GRAMD1B: variants seen among roughly 807,000 people sequenced by gnomAD.
The protein encoded by GRAMD1B is protein Aster-B.
In GRAMD1B, 37 loss-of-function variants were observed where a neutral mutation model predicts 99.7. The ratio of observed to expected loss-of-function variants is 0.37; its 90% CI spans 0.29 to 0.49. The LOEUF is 0.49. Ranked by LOEUF, GRAMD1B falls within the 20% of genes least tolerant of loss-of-function variation. The pLI is 0.98. For synonymous variants in GRAMD1B, 427 were observed against 387.6 expected (o/e 1.10, Z -1.19); for missense variants, 888 against 1,009.2 (o/e 0.88, Z 1.63).
At position 123,569,061 on chromosome 11, in the gene GRAMD1B, G is replaced by A. The variant is rs181516236; in HGVS notation, c.453-8306G>A. ...ACTGTTGGGCATCTGAGTCTGAGCT[G>A]TGAAGGGGAAGAACCATCCTGCTGT... is the stretch of plus-strand genomic sequence containing the variant. On this transcript the variant is annotated intron_variant, in intron 2 of 19. Transcript: ENST00000635736. 3.9e-5 allele frequency among the ~76,000 whole-genome samples: 6 copies of A among 152,314 alleles called. No homozygotes were observed. The East Asian group carries it at 1.2e-3, about 29-fold the overall frequency.
chr11:123,595,546 C>T (rs1483288682), intron 6 of GRAMD1B, among the ~76,000 whole-genome samples: 2 of 152,162 alleles, frequency 1.3e-5, no homozygotes, highest in African/African-American at 2.4e-5. Flanking sequence ...CGCCCGCCTC[C>T]GCCTCCCAAA....
chr11:123,514,214 A>G (rs1024539684), intron 2 of GRAMD1B, among the ~76,000 whole-genome samples: 2 of 152,234 alleles, frequency 1.3e-5, no homozygotes, highest in African/African-American at 4.8e-5. Context: ...TGGGCAGTTC[A>G]TAAAGGGCTT....
intron 9 of GRAMD1B, among the ~76,000 whole-genome samples, chr11:123,604,718 A>C (rs1952463855): frequency 6.6e-6 from 1 of 152,226 alleles, no homozygotes; most frequent in Admixed American, 6.5e-5. Context: ...GGATTTGTTA[A>C]GTACAGGTCA....
intron 2 of GRAMD1B, among the ~76,000 whole-genome samples, chr11:123,486,535 G>A (rs1937793564): frequency 7.1e-6 from 1 of 141,336 alleles, no homozygotes; most frequent in Non-Finnish European, 1.5e-5. Flanking sequence ...GTGACAGAGT[G>A]AGACCCTGTC....
At chr11:123,476,352 C>G (rs1185418466) in intron 1 of GRAMD1B, among the ~76,000 whole-genome samples, 1 of 152,322 alleles carries the variant, frequency 6.6e-6, no homozygotes, top group Non-Finnish European at 1.5e-5. Flanking sequence ...CTACCCGCCT[C>G]GGCTTCCTAA....
rs567268250 is a variant in GRAMD1B, at chr11:123,510,306, G to A, written c.452+29413G>A. Among the ~76,000 whole-genome samples, 50 of 152,234 alleles carry A rather than the reference G, an allele frequency of 3.3e-4. No homozygotes were observed. The highest frequency in any genetic ancestry group is 1.1e-3 in the African/African-American group (47 of 41,542). On this transcript the variant is annotated intron_variant, in intron 2 of 19. Transcript: ENST00000635736. The surrounding 1 kb of genome is among the most constrained non-coding windows in gnomAD (Gnocchi z 4.3). ...TCCTGACCTGTGGGTACCAGTTGGC[G>A]GGGTGATGGGAGGGCAGGCCTCCGT...
At chr11:123,585,390 C>T (rs1386603712) in intron 4 of GRAMD1B, among the ~76,000 whole-genome samples, 1 of 152,224 alleles carries the variant, frequency 6.6e-6, no homozygotes, top group Non-Finnish European at 1.5e-5. Flanking sequence ...TGCTCACGAG[C>T]CCTGTGGCTG....
intron 1 of GRAMD1B, among the ~76,000 whole-genome samples, chr11:123,373,749 C>T (rs899116400): frequency 2.0e-5 from 3 of 152,188 alleles, no homozygotes; most frequent in African/African-American, 7.2e-5. Context: ...AAGAAAGTGT[C>T]ACCCCTCTGC....
rs562462009 is a variant in GRAMD1B at position 123,576,990 on chromosome 11, C to T, written c.453-377C>T. 3.3e-4 allele frequency among the ~76,000 whole-genome samples: 51 copies of T among 152,360 alleles called. No homozygotes were observed. In the South Asian group the frequency reaches 9.7e-3, roughly 29 times the overall value. On this transcript the variant is annotated intron_variant, in intron 2 of 19. Transcript: ENST00000635736. ...GCATTTGCAGTATGTATAAAATGAGCTGATTGTATTGGATGGTCTCCAGTG... is the reference window on the plus strand; with the variant it reads ...GCATTTGCAGTATGTATAAAATGAGTTGATTGTATTGGATGGTCTCCAGTG...
intron 1 of GRAMD1B, among the ~76,000 whole-genome samples, chr11:123,469,628 C>G (rs1487532083): frequency 6.6e-6 from 1 of 152,114 alleles, no homozygotes; most frequent in Non-Finnish European, 1.5e-5. Flanking sequence ...TTTAAGAGAG[C>G]TCTGTACCTC....
At chr11:123,449,057 T>C (rs1949764944) in intron 1 of GRAMD1B, among the ~76,000 whole-genome samples, 2 of 152,234 alleles carry the variant, frequency 1.3e-5, no homozygotes, top group Non-Finnish European at 2.9e-5. Flanking sequence ...CGTTGTTCCG[T>C]CAGACAGAAT....
chr11:123,387,918 G>A (rs1379110598), intron 1 of GRAMD1B, among the ~76,000 whole-genome samples: 1 of 152,078 alleles, frequency 6.6e-6, no homozygotes, highest in Non-Finnish European at 1.5e-5. Context: ...GAGGTCAGGA[G>A]TTCAAGACCA....
chr11:123,404,009 T>C (rs1023899879), intron 1 of GRAMD1B, among the ~76,000 whole-genome samples: 1 of 152,196 alleles, frequency 6.6e-6, no homozygotes, highest in Admixed American at 6.5e-5. Context: ...TGAAAGAACC[T>C]AGGACATTTG....
chr11:123,439,780 A>G (rs1949325045), intron 1 of GRAMD1B, among the ~76,000 whole-genome samples: 1 of 152,034 alleles, frequency 6.6e-6, no homozygotes, highest in African/African-American at 2.4e-5. Flanking sequence ...CATTCTTTTT[A>G]AGGTCTCTCC....
intron 1 of GRAMD1B, among the ~76,000 whole-genome samples, chr11:123,463,541 G>A (rs991842226): frequency 3.9e-5 from 6 of 152,226 alleles, no homozygotes; most frequent in African/African-American, 1.4e-4. Context: ...CTCTGATGTA[G>A]CCAACAGGTT....
At chr11:123,401,257 C>G (rs900446345) in intron 1 of GRAMD1B, among the ~76,000 whole-genome samples, 1 of 151,618 alleles carries the variant, frequency 6.6e-6, no homozygotes, top group South Asian at 2.1e-4. Context: ...TTGCCCCTCC[C>G]TCTGTCCCAA....
intron 2 of GRAMD1B, among the ~76,000 whole-genome samples, chr11:123,567,941 A>G (rs1402045531): frequency 6.6e-6 from 1 of 152,226 alleles, no homozygotes; most frequent in East Asian, 1.9e-4. Context: ...TAATAAATTC[A>G]TCAACAACCA....
chr11:123,598,715 G>A (rs966213057), intron 7 of GRAMD1B: 2 of 934,710 alleles, frequency 2.1e-6, no homozygotes, highest in Admixed American at 3.4e-5. Flanking sequence ...AGAATGCAGA[G>A]AGGTCAAGAT....
chr11:123,367,395 C>G (rs1055869238), intron 1 of GRAMD1B, among the ~76,000 whole-genome samples: 3 of 152,176 alleles, frequency 2.0e-5, no homozygotes, highest in South Asian at 2.1e-4. Context: ...GAGCAGTGAG[C>G]AGAACAGCCC....
Sources: gnomAD v4.1 joint callset for allele counts (sites outside exome capture counted in the v4.1 genomes callset) on GRCh38, gnomAD v4.1.1 for gene constraint, Gnocchi (gnomAD v3.1) non-coding constraint, MANE v1.5 for transcripts, NCBI Gene and HGNC (gene_info 2026-07-23, HGNC 2026-07-21) for gene names.